The following RBBP8 variants were observed in gnomAD, a reference collection of about 807,000 sequenced individuals.
RBBP8 encodes DNA endonuclease RBBP8.
RBBP8 carries 88 observed loss-of-function variants against 108.3 expected under a neutral mutation model. That is an observed-to-expected ratio of 0.81 (90% CI 0.68 to 0.97). The LOEUF (loss-of-function observed/expected upper bound fraction) is 0.97. Among genes scored for constraint, RBBP8 ranks in the 50% least tolerant of loss-of-function variants. The pLI, the probability that RBBP8 is intolerant of heterozygous loss-of-function variation, is 0.00. For synonymous variants in RBBP8, 332 were observed against 348.2 expected (o/e 0.95, Z 0.52); for missense variants, 1,023 against 1,049.0 (o/e 0.98, Z 0.34).
intron 6 of RBBP8, among the ~76,000 whole-genome samples, chr18:22,980,965 C>CTTTTTTTTTTTTTTTTTTTTT (rs1167377654): frequency 2.9e-5 from 2 of 69,490 alleles, no homozygotes; most frequent in Non-Finnish European, 5.2e-5. Context: ...CCACTTATGT[C>CTTTTTTTTTTTTTTTTTTTTT]TTTTTTTTTT....
intron 4 of RBBP8, among the ~76,000 whole-genome samples, chr18:22,965,959 A>G (rs976924638): frequency 3.9e-5 from 6 of 152,086 alleles, no homozygotes; most frequent in African/African-American, 1.2e-4. Flanking sequence ...TTTTTATTTT[A>G]TTTATTTAAA....
rs1915812757 is a variant in RBBP8 at position 22,993,125 on chromosome 18, A to G, written c.1298A>G (p.His433Arg). ...GGTAAAGATTCTAACACTGATAAACATTTGGAGCCCCTGAAATCATTGGGA... is the reference window on the plus strand; with the variant it reads ...GGTAAAGATTCTAACACTGATAAACGTTTGGAGCCCCTGAAATCATTGGGA... ...EYGKDSNTDKHLEPLKSLGGR... is the reference protein window; with the variant it reads ...EYGKDSNTDKRLEPLKSLGGR... Residue 433 changes from histidine to arginine, a missense_variant, in exon 11 of 19, where the codon CAT becomes CGT. Physicochemically the swap from His to Arg is conservative, Grantham distance 29. Coordinates refer to ENST00000327155, the MANE Select transcript of RBBP8 (RefSeq NM_002894.3). The G allele has an allele frequency of 6.2e-7, 1 of 1,614,040 alleles. No individual in the cohort carries two copies.
chr18:23,010,433 C>T (rs1377014938), intron 16 of RBBP8, among the ~76,000 whole-genome samples: 1 of 152,054 alleles, frequency 6.6e-6, no homozygotes, highest in East Asian at 1.9e-4. Flanking sequence ...GAGACCTCGT[C>T]TCTACAAAAA....
In RBBP8 at chr18:23,009,031, C is replaced by G. The variant is rs1023072812; in HGVS notation, c.2357+2599C>G. 2.9e-4 allele frequency among the ~76,000 whole-genome samples: 44 copies of G among 152,200 alleles called. No homozygotes were observed. In the South Asian group the frequency reaches 3.9e-3, roughly 14 times the overall value. On this transcript the variant is annotated intron_variant, in intron 16 of 18. Transcript: ENST00000327155. ...CTCGTGATCCACCCGCTTCGGCCTC[C>G]CAAAGTGCTGGGATTACAGGCGTGA...
rs1213644035 is a variant in RBBP8, at chr18:23,022,254, G to C, written c.2580G>C (p.Gln860His). 6.2e-7 allele frequency: 1 copy of C among 1,610,778 alleles called. No homozygotes were observed. The highest frequency in any genetic ancestry group is 8.5e-7 in the Non-Finnish European group (1 of 1,177,096). ...GGGAAGTTGGTTTTCCTTCCACTCAGACTTGTATGGAAAGAGGTGAGAGTA... is the reference window on the plus strand; with the variant it reads ...GGGAAGTTGGTTTTCCTTCCACTCACACTTGTATGGAAAGAGGTGAGAGTA... ...NFWEVGFPST[Q>H]TCMERGYIKE... Residue 860 changes from glutamine to histidine, a missense_variant, in exon 18 of 19, where the codon CAG becomes CAC. Gln to His is a conservative substitution (Grantham distance 24, BLOSUM62 0). Transcript: ENST00000327155.
At chr18:22,926,524 T>C (rs1909797692) in intron 3 of RBBP8, among the ~76,000 whole-genome samples, 2 of 152,256 alleles carry the variant, frequency 1.3e-5, no homozygotes, top group Non-Finnish European at 2.9e-5. Context: ...ACTATGAATA[T>C]ACTGTTTAAC....
intron 16 of RBBP8, among the ~76,000 whole-genome samples, chr18:23,013,417 T>G (rs2046203294): frequency 1.3e-5 from 2 of 152,162 alleles, no homozygotes; most frequent in Admixed American, 1.3e-4. Context: ...ACCAGTTTTT[T>G]GGTATGAGTT....
Position 22,933,336 on chromosome 18 carries a change from T to C in RBBP8, c.-327T>C, listed in dbSNP as rs889721179. The C allele has an allele frequency of 6.6e-6, 1 of 152,416 alleles. No individual in the cohort carries two copies. Among genetic ancestry groups the C allele is most frequent in the African/African-American group, 2.4e-5 (1 of 41,424 alleles). 9.4% of individuals were successfully genotyped at this position (152,416 alleles called of 1,614,324 possible). On this transcript the variant is annotated 5_prime_UTR_variant, in exon 1 of 19. Transcript: ENST00000327155. ...ACGCAAGTGGAACTCCCGCGTGACG[T>C]CGCGCGGGCTCCCGGGCGGGGCGGG...
chr18:22,963,255 C>T (rs1379761985), intron 4 of RBBP8, among the ~76,000 whole-genome samples: 7 of 151,798 alleles, frequency 4.6e-5, no homozygotes, highest in African/African-American at 1.2e-4. Flanking sequence ...TCTACATAGA[C>T]GCCATTCCCA....
chr18:23,008,346 T>C (rs1412627896), intron 16 of RBBP8, among the ~76,000 whole-genome samples: 3 of 152,242 alleles, frequency 2.0e-5, no homozygotes, highest in Non-Finnish European at 2.9e-5. Context: ...GGCCAAGATT[T>C]TTTTTATTCC....
intron 13 of RBBP8, 66 bp downstream of exon 13, chr18:22,996,528 T>G (rs2045862225): frequency 2.0e-5 from 32 of 1,584,402 alleles, no homozygotes; most frequent in Non-Finnish European, 2.7e-5. Flanking sequence ...GTCAACCTCC[T>G]CTCGTGACTC....
chr18:22,963,544 A>G (rs1393060938), intron 4 of RBBP8, among the ~76,000 whole-genome samples: 2 of 152,168 alleles, frequency 1.3e-5, no homozygotes, highest in African/African-American at 4.8e-5. Flanking sequence ...TCACCTTTTC[A>G]AACAGATCTG....
chr18:22,932,805 A>T (rs1196459511), upstream of RBBP8, among the ~76,000 whole-genome samples: 1 of 152,240 alleles, frequency 6.6e-6, no homozygotes, highest in Non-Finnish European at 1.5e-5. Context: ...CCAATAAATA[A>T]TGCTGAAGGA....
chr18:22,981,004 G>A (rs1483881667), intron 6 of RBBP8, among the ~76,000 whole-genome samples: 23 of 105,842 alleles, frequency 2.2e-4, no homozygotes, highest in Admixed American at 3.8e-4. Flanking sequence ...ACGGAGTCTC[G>A]CTCTGTTGCC....
intron 8 of RBBP8, among the ~76,000 whole-genome samples, chr18:22,987,110 AG>A (rs1422310325): frequency 6.6e-6 from 1 of 152,190 alleles, no homozygotes; most frequent in East Asian, 1.9e-4. Context: ...GAGGTGAAAA[AG>A]TATTAATAGT....
intron 16 of RBBP8, among the ~76,000 whole-genome samples, chr18:23,011,762 T>C (rs1040728131): frequency 6.6e-6 from 1 of 152,092 alleles, no homozygotes; most frequent in South Asian, 2.1e-4. Context: ...ATAAGTGTTT[T>C]GGGTCATCAT....
intron 3 of RBBP8, among the ~76,000 whole-genome samples, chr18:22,921,175 C>T (rs147303244): frequency 1.3e-5 from 2 of 152,222 alleles, no homozygotes; most frequent in Non-Finnish European, 2.9e-5. Flanking sequence ...TGGGAAAGCA[C>T]CCAGAAACAG....
At chr18:22,927,682 C>A (rs116393428) in intron 3 of RBBP8, among the ~76,000 whole-genome samples, 3,144 of 152,078 alleles carry the variant, frequency 0.021, 49 homozygotes, top group Non-Finnish European at 0.032. Flanking sequence ...TTTAGATAAA[C>A]TGGGTTAAAT....
chr18:22,931,971 A>G (rs1567940805), upstream of RBBP8, among the ~76,000 whole-genome samples: 1 of 152,192 alleles, frequency 6.6e-6, no homozygotes, highest in Non-Finnish European at 1.5e-5. Context: ...GCAGTAGACT[A>G]GGTAAGAAAT....
Sources: gnomAD v4.1 joint callset for allele counts (sites outside exome capture counted in the v4.1 genomes callset) on GRCh38, gnomAD v4.1.1 for gene constraint, MANE v1.5 for transcripts, NCBI Gene and HGNC (gene_info 2026-07-23, HGNC 2026-07-21) for gene names.